Variants in C1orf226 observed in about 807,000 individuals in gnomAD.
C1orf226 encodes uncharacterized protein C1orf226.
Under a neutral mutation model 10.5 loss-of-function variants are expected in C1orf226, and 4 were observed. The observed-to-expected ratio is 0.38, with a 90% CI of 0.19 to 0.87. The LOEUF is 0.87. C1orf226 is among the 40% of genes least tolerant of loss of function. The pLI is 0.41. For synonymous variants in C1orf226, 125 were observed against 139.3 expected (o/e 0.90, Z 0.72); for missense variants, 313 against 336.2 (o/e 0.93, Z 0.54).
In C1orf226 at chr1:162,383,186, G is replaced by C; in HGVS notation, c.322G>C (p.Val108Leu). 6.3e-7 allele frequency: 1 copy of C among 1,583,950 alleles called. No individual in the cohort carries two copies. The highest frequency in any genetic ancestry group is 1.2e-5 in the South Asian group (1 of 84,720). The change falls in exon 2 of 2, where the codon GTC (valine) becomes CTC (leucine). Residue 108 changes from valine to leucine, a missense_variant. Val to Leu is a conservative substitution (Grantham distance 32, BLOSUM62 1). Transcript: ENST00000458626. ...PEAWLEDERS[V>L]LQETFPRLDP... Reference sequence around the variant, plus strand: ...TTATTGTCATTAACCTTACAGGTCAGTCCTGCAAGAAACATTTCCTCGGCT... The same window carrying C: ...TTATTGTCATTAACCTTACAGGTCACTCCTGCAAGAAACATTTCCTCGGCT...
chr1:162,383,632 C>T lies in C1orf226; in HGVS notation c.768C>T (p.Thr256=). ...GCAGCCCCCCTCCTCAGGCACGGACCTCCAGCCTCGACAATGAGGGCCCTC... is the reference window on the plus strand; with the variant it reads ...GCAGCCCCCCTCCTCAGGCACGGACTTCCAGCCTCGACAATGAGGGCCCTC... ...EDGSPPPQAR[T]SSLDNEGPHP... The change falls in exon 2 of 2, where the codon ACC becomes ACT. Residue 256 remains threonine, a synonymous_variant. Transcript: ENST00000458626. The T allele has an allele frequency of 1.2e-6, 2 of 1,609,678 alleles. No homozygotes were observed. The highest frequency in any genetic ancestry group is 1.1e-5 in the South Asian group (1 of 90,100).
At position 162,383,556 on chromosome 1, in the gene C1orf226, G is replaced by C; in HGVS notation, c.692G>C (p.Gly231Ala). 1 of 1,606,472 alleles carries C rather than the reference G, an allele frequency of 6.2e-7. No individual in the cohort carries two copies. Among genetic ancestry groups the C allele is most frequent in the Non-Finnish European group, 8.5e-7 (1 of 1,176,192 alleles). The change falls in exon 2 of 2, where the codon GGC becomes GCC. Residue 231 changes from glycine to alanine, a missense_variant. Coordinates refer to ENST00000458626, the MANE Select transcript of C1orf226 (RefSeq NM_001085375.2). ...TCCCCCAGCCTTATCGAGAGGAATG[G>C]CTTCAAACTCAGCTTGAGCCCCATC... ...ASSPSLIERN[G>A]FKLSLSPISL...
In C1orf226 at chr1:162,382,169, C is replaced by G. The variant is rs766506619; in HGVS notation, c.268C>G (p.Leu90Val). Residue 90 changes from leucine to valine, a missense_variant, in exon 1 of 2, where the codon CTG (leucine) becomes GTG (valine). Transcript: ENST00000458626. Reference sequence around the variant, plus strand: ...GATCAACAAGACTGCAGGAGCACAGCTGGCCAGTGGGACTGACGCGGCTCC... The same window carrying G: ...GATCAACAAGACTGCAGGAGCACAGGTGGCCAGTGGGACTGACGCGGCTCC... ...TEINKTAGAQ[L>V]ASGTDAAPEA... The G allele has an allele frequency of 2.3e-5, 36 of 1,589,032 alleles. No homozygotes were observed. Among genetic ancestry groups the G allele is most frequent in the Non-Finnish European group, 2.7e-5 (32 of 1,167,870 alleles).
chr1:162,380,162 G>A (rs1379270827), upstream of C1orf226, among the ~76,000 whole-genome samples: 1 of 152,204 alleles, frequency 6.6e-6, no homozygotes, highest in African/African-American at 2.4e-5. Flanking sequence ...TGTGGAGCGG[G>A]CTGGAAGCTT....
Position 162,383,467 on chromosome 1 carries a change from C to T in C1orf226, c.603C>T (p.Asp201=). The change falls in exon 2 of 2, where the codon GAC becomes GAT. Residue 201 remains aspartate, a synonymous_variant. Transcript: ENST00000458626. ...GAGAGGTTTCCCTGTCAGTACCTGA[C>T]CTAATCCACAAGGATAGCCAGGACG... ...PNGEVSLSVP[D]LIHKDSQDES... 1.3e-6 allele frequency: 2 copies of T among 1,594,522 alleles called. No individual in the cohort carries two copies. The highest frequency in any genetic ancestry group is 1.7e-6 in the Non-Finnish European group (2 of 1,169,932).
chr1:162,379,930 T>TC (rs941614096), upstream of C1orf226, among the ~76,000 whole-genome samples: 1 of 152,240 alleles, frequency 6.6e-6, no homozygotes, highest in African/African-American at 2.4e-5. Flanking sequence ...CAATTTGCCT[T>TC]CCCCGGGCAT....
chr1:162,379,725 C>T (rs941566733), upstream of C1orf226, among the ~76,000 whole-genome samples: 1 of 152,134 alleles, frequency 6.6e-6, no homozygotes, highest in South Asian at 2.1e-4. Context: ...TACAGGAAAT[C>T]CAAAATGGTG....
In C1orf226 at chr1:162,385,381, T is replaced by C. The variant is rs570221733; in HGVS notation, c.*1698T>C. The C allele has an allele frequency of 1.3e-5, 2 of 152,378 alleles. No homozygotes were observed. The highest frequency in any genetic ancestry group is 3.9e-4 in the East Asian group (2 of 5,184). The allele number at this position is 152,378 out of a possible 1,614,324, so 9.4% of individuals were successfully genotyped here. On this transcript the variant is annotated 3_prime_UTR_variant, in exon 2 of 2. Transcript: ENST00000458626. ...GTGGGTTCCTTCCTGCATGCTTGCT[T>C]CTGCAGCTGTGTGGCCTTGCCATGG...
chr1:162,382,683 A>G (rs1485554732), intron 1 of C1orf226, among the ~76,000 whole-genome samples: 3 of 152,328 alleles, frequency 2.0e-5, no homozygotes, highest in East Asian at 3.9e-4. Context: ...ATGCCCGGCC[A>G]TAGCTGAGAA....
intron 1 of C1orf226, among the ~76,000 whole-genome samples, chr1:162,382,565 A>G (rs1647953731): frequency 6.6e-6 from 1 of 152,166 alleles, no homozygotes; most frequent in Admixed American, 6.5e-5. Context: ...CCTGCAGATA[A>G]CTCACGTTCA....
rs1648109704 is a variant in C1orf226, at chr1:162,386,418, TGAG to T, written c.*2742_*2744del. ...CCCAGTCCATGAGAGGGCAGGGTAA[TGAG>T]GAGGAGTAAAGGACCTATCTTCTCT... On this transcript the variant is annotated 3_prime_UTR_variant, in exon 2 of 2. Transcript: ENST00000458626. 1 of 152,222 alleles carries T rather than the reference TGAG, an allele frequency of 6.6e-6. No individual in the cohort carries two copies. The highest frequency in any genetic ancestry group is 6.5e-5 in the Admixed American group (1 of 15,274). 9.4% of individuals were successfully genotyped at this position (152,222 alleles called of 1,614,324 possible). A position where few individuals can be genotyped will look rare whatever the true frequency, so the allele number is the denominator to read the frequency against.
In C1orf226 at chr1:162,381,951, G is replaced by A. The variant is rs200213184; in HGVS notation, c.50G>A (p.Arg17His). 1.5e-4 allele frequency: 249 copies of A among 1,612,874 alleles called. 2 individuals carry two copies. The East Asian group carries it at 3.0e-3, about 19-fold the overall frequency. The change falls in exon 1 of 2, where the codon CGC (arginine) becomes CAC (histidine). Residue 17 changes from arginine (R) to histidine (H), a missense_variant. Arg to His is a conservative substitution (Grantham distance 29, BLOSUM62 0). Coordinates refer to ENST00000458626, the MANE Select transcript of C1orf226 (RefSeq NM_001085375.2). ...TALTPKLQAS[R>H]SFPHLSKPVA... ...CTCACTCCAAAGCTCCAGGCCAGCC[G>A]CTCCTTCCCCCACTTGTCCAAGCCC... is the stretch of plus-strand genomic sequence containing the variant.
In C1orf226 at chr1:162,384,580, A is replaced by G. The variant is rs1648046779; in HGVS notation, c.*897A>G. The G allele has an allele frequency of 6.5e-6, 1 of 152,992 alleles. No homozygotes were observed. Among genetic ancestry groups the G allele is most frequent in the Admixed American group, 6.5e-5 (1 of 15,282 alleles). The allele number at this position is 152,992 out of a possible 1,614,324, so 9.5% of individuals were successfully genotyped here. A position where few individuals can be genotyped will look rare whatever the true frequency, so the allele number is the denominator to read the frequency against. On this transcript the variant is annotated 3_prime_UTR_variant, in exon 2 of 2. Coordinates refer to ENST00000458626, the MANE Select transcript of C1orf226 (RefSeq NM_001085375.2). ...GGTCTTGGCATTCAGAGCTGGTGCT[A>G]AAAACCCAGAGCAGAAGCAGGGAGA...
chr1:162,383,689 C>T lies in C1orf226; in HGVS notation c.*6C>T. ...ACCTGCTGTCCTTTGAATAGAGCCTCTGCTCTTTCCTGCTGAGCTCTGCCC... is the reference window on the plus strand; with the variant it reads ...ACCTGCTGTCCTTTGAATAGAGCCTTTGCTCTTTCCTGCTGAGCTCTGCCC... On this transcript the variant is annotated 3_prime_UTR_variant, in exon 2 of 2. Coordinates refer to ENST00000458626, the MANE Select transcript of C1orf226 (RefSeq NM_001085375.2). 6.3e-7 allele frequency: 1 copy of T among 1,580,056 alleles called. No individual in the cohort carries two copies. Among genetic ancestry groups the T allele is most frequent in the Non-Finnish European group, 8.6e-7 (1 of 1,165,980 alleles).
intron 1 of C1orf226, 127 bp downstream of exon 1, chr1:162,382,345 A>G: frequency 8.1e-7 from 1 of 1,241,904 alleles, no homozygotes; most frequent in South Asian, 1.7e-5. Flanking sequence ...TCCTGTACTG[A>G]AAAGCTGCAG....
chr1:162,383,323 G>A lies in C1orf226; in HGVS notation c.459G>A (p.Glu153=). 1 of 1,611,838 alleles carries A rather than the reference G, an allele frequency of 6.2e-7. No individual in the cohort carries two copies. The highest frequency in any genetic ancestry group is 8.5e-7 in the Non-Finnish European group (1 of 1,178,818). ...PVLSSLEYGT[E]PSPGQAQDSA... ...TCAGCAGTCTGGAGTATGGGACAGA[G>A]CCATCACCTGGGCAGGCCCAGGACT... The change falls in exon 2 of 2, where the codon GAG becomes GAA. Residue 153 remains glutamate (E), a synonymous_variant. Transcript: ENST00000458626.
rs1648090107 is a variant in C1orf226, at chr1:162,385,765, G to A, written c.*2082G>A. On this transcript the variant is annotated 3_prime_UTR_variant, in exon 2 of 2. Transcript: ENST00000458626. ...ACTTCATCTGAGCTTCCCATACCAG[G>A]AGCATGGTTTGTGCTTTGATGGGAA... 1 of 152,172 alleles carries A rather than the reference G, an allele frequency of 6.6e-6. No individual in the cohort carries two copies. Among genetic ancestry groups the A allele is most frequent in the Non-Finnish European group, 1.5e-5 (1 of 68,050 alleles). The allele number at this position is 152,172 out of a possible 1,614,324, so 9.4% of individuals were successfully genotyped here. A position where few individuals can be genotyped will look rare whatever the true frequency, so the allele number is the denominator to read the frequency against.
At chr1:162,379,011 C>T, upstream of C1orf226, 1 of 1,550,512 alleles carries the variant, frequency 6.4e-7, no homozygotes, top group Admixed American at 2.0e-5. Context: ...CACCTGCTTT[C>T]CGAGCCCCTT....
In C1orf226 at chr1:162,386,707, G is replaced by A. The variant is rs1482386990; in HGVS notation, c.*3024G>A. The A allele has an allele frequency of 6.6e-6, 1 of 152,210 alleles. No homozygotes were observed. The highest frequency in any genetic ancestry group is 1.9e-4 in the East Asian group (1 of 5,196). 9.4% of individuals were successfully genotyped at this position (152,210 alleles called of 1,614,324 possible). ...GATTGGCTCCAGTTCGGAGGAGGAG[G>A]AGGAAGATTACAGATCTATTCTGAG... On this transcript the variant is annotated 3_prime_UTR_variant, in exon 2 of 2. Transcript: ENST00000458626.
Sources: allele counts gnomAD v4.1 joint callset (sites outside exome capture counted in the v4.1 genomes callset), GRCh38; gene constraint gnomAD v4.1.1; transcripts MANE v1.5; gene names NCBI Gene and HGNC (gene_info 2026-07-23, HGNC 2026-07-21).